The following DST variants were observed in gnomAD, a reference collection of about 807,000 sequenced individuals.
The protein encoded by DST is dystonin.
A neutral mutation model predicts 875.2 loss-of-function variants in DST; 253 were observed. The observed-to-expected ratio is 0.29, with a 90% CI of 0.26 to 0.32. DST has a LOEUF of 0.32. Ranked by LOEUF, DST falls within the 10% of genes least tolerant of loss-of-function variation. The pLI is 1.00. For missense variants in DST, 8,287 were observed against 9,111.6 expected (o/e 0.91, Z 3.68); for synonymous variants, 3,124 against 3,197.1 (o/e 0.98, Z 0.77).
At chr6:56,589,578 C>A (rs1044466329) in intron 49 of DST, among the ~76,000 whole-genome samples, 2 of 152,194 alleles carry the variant, frequency 1.3e-5, no homozygotes, top group African/African-American at 4.8e-5. Flanking sequence ...CTTAACACCA[C>A]CCCAAAGATT....
intron 9 of DST, among the ~76,000 whole-genome samples, chr6:56,697,429 C>A (rs976948615): frequency 6.6e-6 from 1 of 152,096 alleles, no homozygotes; most frequent in African/African-American, 2.4e-5. Flanking sequence ...GAGCAAAAAA[C>A]GATTTGAGAA....
intron 2 of DST, among the ~76,000 whole-genome samples, chr6:56,941,479 C>T (rs1816560580): frequency 6.6e-6 from 1 of 151,494 alleles, no homozygotes; most frequent in Non-Finnish European, 1.5e-5. Context: ...TGTTTCTTTA[C>T]AAATATTTAT....
chr6:56,639,311 T>C lies in DST; in HGVS notation c.2912A>G (p.Glu971Gly), dbSNP rs1450594873. 33 of 1,613,740 alleles carry C rather than the reference T, an allele frequency of 2.0e-5. No homozygotes were observed. Among genetic ancestry groups the C allele is most frequent in the Non-Finnish European group, 2.8e-5 (33 of 1,179,866 alleles). ...TTCTAGAAGTAGCTGCTCTGCTATC[T>C]CCTGAACTGATTTAATATTTTCTTC... is the stretch of plus-strand genomic sequence containing the variant. Reference protein sequence around the residue: ...QKEENIKSVQEIAEQLLLENH... With the variant: ...QKEENIKSVQGIAEQLLLENH... Residue 971 changes from glutamate to glycine, a missense_variant, in exon 22 of 104, where the codon GAG becomes GGG. By Grantham distance (98) the Glu-to-Gly change is moderately conservative. This residue lies in a region of DST where 1,160 missense variants were observed against 1,424.3 expected (regional missense o/e 0.81). Transcript: ENST00000680361.
At chr6:56,563,844 C>T (rs1017691478) in intron 55 of DST, among the ~76,000 whole-genome samples, 1 of 152,084 alleles carries the variant, frequency 6.6e-6, no homozygotes. Flanking sequence ...GGAATCCTTC[C>T]CCCATTGCTT....
intron 4 of DST, among the ~76,000 whole-genome samples, chr6:56,818,751 T>A (rs1296295412): frequency 6.6e-6 from 1 of 152,046 alleles, no homozygotes; most frequent in African/African-American, 2.4e-5. Context: ...CAGAAAAGGG[T>A]TCTGATCCCA....
At chr6:56,693,087 T>C (rs1198873209) in intron 9 of DST, 2 of 1,289,494 alleles carry the variant, frequency 1.6e-6, no homozygotes, top group Non-Finnish European at 2.0e-6. Context: ...TCAAAGGAGT[T>C]TTGGCAGGAT....
chr6:56,718,514 T>A (rs1240992771), intron 5 of DST, among the ~76,000 whole-genome samples: 3 of 152,214 alleles, frequency 2.0e-5, no homozygotes, highest in Non-Finnish European at 4.4e-5. Flanking sequence ...CTTGAAATGT[T>A]AAACAAGATC....
rs1450136511 is a variant in DST at position 56,923,870 on chromosome 6, TCCCAACAC to T, written c.217-23257_217-23250del. On this transcript the variant is annotated intron_variant, in intron 2 of 103. Transcript: ENST00000680361. The stretch of plus-strand genomic sequence containing the variant: ...CAGGCATGGTGGCTCATGCCTGTAA[TCCCAACAC>T]TTTGGGAGGCTGAGGCGGGAGGATC... Among the ~76,000 whole-genome samples, 4 of 152,262 alleles carry T rather than the reference TCCCAACAC, an allele frequency of 2.6e-5. No individual in the cohort carries two copies. The South Asian group carries it at 8.3e-4, about 32-fold the overall frequency.
At chr6:56,837,277 TAAAAA>T (rs2099794889) in intron 4 of DST, among the ~76,000 whole-genome samples, 1 of 152,202 alleles carries the variant, frequency 6.6e-6, no homozygotes, top group Non-Finnish European at 1.5e-5. Context: ...TTTAAAAACT[TAAAAA>T]GGAAACATTT....
intron 85 of DST, among the ~76,000 whole-genome samples, chr6:56,490,432 T>C (rs2095698128): frequency 6.6e-6 from 1 of 152,064 alleles, no homozygotes; most frequent in African/African-American, 2.4e-5. Flanking sequence ...AACAAAAAAT[T>C]TAGTAATCAA....
At chr6:56,656,310 G>A (rs1185083256) in intron 10 of DST, among the ~76,000 whole-genome samples, 1 of 152,244 alleles carries the variant, frequency 6.6e-6, no homozygotes, top group African/African-American at 2.4e-5. Flanking sequence ...CAGCGGTGAA[G>A]TATAAAAGTT....
intron 4 of DST, among the ~76,000 whole-genome samples, chr6:56,823,834 T>C (rs2153050677): frequency 6.6e-6 from 1 of 152,302 alleles, no homozygotes; most frequent in East Asian, 1.9e-4. Context: ...GTTAGCTTGG[T>C]TAAGAAACTG....
At chr6:56,738,343 C>A (rs1433256485) in intron 4 of DST, among the ~76,000 whole-genome samples, 2 of 151,992 alleles carry the variant, frequency 1.3e-5, no homozygotes, top group Admixed American at 1.3e-4. Flanking sequence ...TTTTTTGAGA[C>A]AAAATCTTGC....
intron 71 of DST, 41 bp downstream of exon 71, chr6:56,517,157 T>C: frequency 6.9e-7 from 1 of 1,450,104 alleles, no homozygotes; most frequent in South Asian, 1.2e-5. Context: ...ACCTGCTGTT[T>C]TTTCAAGAGT....
intron 93 of DST, among the ~76,000 whole-genome samples, 153 bp downstream of exon 93, chr6:56,473,720 T>C (rs768963349): frequency 3.9e-5 from 6 of 152,228 alleles, no homozygotes; most frequent in Non-Finnish European, 7.3e-5. Flanking sequence ...GTTTCTACAA[T>C]ACTTGAGCAC....
In DST at chr6:56,645,993, T is replaced by C; in HGVS notation, c.1651A>G (p.Ile551Val). Residue 551 changes from isoleucine (I) to valine (V), a missense_variant and splice_region_variant, in exon 15 of 104, where the codon ATT becomes GTT. Physicochemically the swap from Ile to Val is conservative, Grantham distance 29. Coordinates refer to ENST00000680361, the MANE Select transcript of DST (RefSeq NM_001374736.1). ...KIKRLYKLLE[I>V]WIEFGRIKLL... ...TTGATGCGTCCAAATTCTATCCAAA[T>C]CTTGAGAAAACAAAAAACTTTAATG... 6.2e-7 allele frequency: 1 copy of C among 1,608,338 alleles called. No individual in the cohort carries two copies. Among genetic ancestry groups the C allele is most frequent in the Non-Finnish European group, 8.5e-7 (1 of 1,178,592 alleles).
At chr6:56,929,986 T>C (rs1394751647) in intron 2 of DST, among the ~76,000 whole-genome samples, 1 of 152,248 alleles carries the variant, frequency 6.6e-6, no homozygotes, top group Non-Finnish European at 1.5e-5. Flanking sequence ...ACAAGTCTTA[T>C]TCAACTTGAT....
At position 56,492,255 on chromosome 6, in the gene DST, A is replaced by G. The variant is rs776078186; in HGVS notation, c.20729T>C (p.Leu6910Ser). Residue 6910 changes from leucine to serine, a missense_variant, in exon 85 of 104, where the codon TTG becomes TCG. This residue lies in a region of DST where 1,292 missense variants were observed against 1,552.7 expected (regional missense o/e 0.83). Transcript: ENST00000680361. The stretch of plus-strand genomic sequence containing the variant: ...CTTGGCTCTCTTCCTTGCATCATCC[A>G]AAGATCTTCCTCTCTCTACCAACCG... Reference protein sequence around the residue: ...VQRLVERGRSLDDARKRAKQF... With the variant: ...VQRLVERGRSSDDARKRAKQF... 6.2e-7 allele frequency: 1 copy of G among 1,613,828 alleles called. No homozygotes were observed. Among genetic ancestry groups the G allele is most frequent in the Non-Finnish European group, 8.5e-7 (1 of 1,179,780 alleles).
intron 50 of DST, among the ~76,000 whole-genome samples, chr6:56,578,273 C>T (rs2097905863): frequency 6.6e-6 from 1 of 152,136 alleles, no homozygotes; most frequent in Admixed American, 6.6e-5. Flanking sequence ...TCTCAGGAGG[C>T]TGAGATGAGG....
Sources: gnomAD v4.1 joint callset for allele counts (sites outside exome capture counted in the v4.1 genomes callset) on GRCh38, gnomAD v4.1.1 for gene constraint, gnomAD v4.1.1 regional missense constraint, MANE v1.5 for transcripts, NCBI Gene and HGNC (gene_info 2026-07-23, HGNC 2026-07-21) for gene names.